Variants in ACADS observed in about 807,000 individuals in gnomAD.
The protein encoded by ACADS is acyl-CoA dehydrogenase short chain, also known as short-chain specific acyl-CoA dehydrogenase, mitochondrial.
Under a neutral mutation model 46.8 loss-of-function variants are expected in ACADS, and 28 were observed. The observed-to-expected ratio is 0.60, with a 90% CI of 0.44 to 0.82. The LOEUF is 0.82. Ranked by LOEUF, ACADS falls within the 40% of genes least tolerant of loss-of-function variation. The pLI, the probability that ACADS is intolerant of heterozygous loss-of-function variation, is 0.00. For missense variants in ACADS, 528 were observed against 578.0 expected (o/e 0.91, Z 0.89); for synonymous variants, 236 against 237.7 (o/e 0.99, Z 0.07).
At chr12:120,733,445 A>G (rs1883329355) in intron 2 of ACADS, among the ~76,000 whole-genome samples, 1 of 152,078 alleles carries the variant, frequency 6.6e-6, no homozygotes, top group Non-Finnish European at 1.5e-5. Context: ...TTCAGAGGCC[A>G]TGTGTGTGCT....
intron 2 of ACADS, among the ~76,000 whole-genome samples, chr12:120,730,602 G>A (rs751269299): frequency 1.3e-5 from 2 of 152,128 alleles, no homozygotes; most frequent in African/African-American, 2.4e-5. Context: ...CTGTCGGGAC[G>A]TGTGACCAAG....
At chr12:120,731,576 T>TC (rs1490921513) in intron 2 of ACADS, among the ~76,000 whole-genome samples, 2 of 151,820 alleles carry the variant, frequency 1.3e-5, no homozygotes, top group African/African-American at 4.8e-5. Context: ...TGTCTCAGCC[T>TC]CCCAAGTAGC....
At chr12:120,736,528 G>A (rs1011746148) in intron 2 of ACADS, among the ~76,000 whole-genome samples, 8 of 152,226 alleles carry the variant, frequency 5.3e-5, no homozygotes, top group African/African-American at 1.9e-4. Context: ...CCAAAGCAGC[G>A]AGGCCTGAGC....
At chr12:120,729,567 T>G (rs548984394) in intron 2 of ACADS, among the ~76,000 whole-genome samples, 2 of 152,192 alleles carry the variant, frequency 1.3e-5, no homozygotes, top group Non-Finnish European at 2.9e-5. Flanking sequence ...TATTTTGGGT[T>G]TCTCCTTTTT....
chr12:120,731,337 A>C (rs1883241345), intron 2 of ACADS, among the ~76,000 whole-genome samples: 5 of 152,040 alleles, frequency 3.3e-5, no homozygotes, highest in Admixed American at 3.3e-4. Context: ...GCTGGATTTG[A>C]ACGCCTGGGC....
chr12:120,737,761 T>C lies in ACADS; in HGVS notation c.473-76T>C, dbSNP rs781059745. On this transcript the variant is annotated intron_variant, in intron 4 of 9. Coordinates refer to ENST00000242592, the MANE Select transcript of ACADS (RefSeq NM_000017.4). ...AGGGTTTCGTGTCTGCCAGCAGGGG[T>C]GTGGAGGGAGTGAGGCTGGTGCCCT... 6.5e-4 allele frequency: 1,032 copies of C among 1,593,258 alleles called. 8 individuals carry two copies. The highest frequency in any genetic ancestry group is 1.6e-3 in the Middle Eastern group (9 of 5,760).
Position 120,738,355 on chromosome 12 carries a change from C to G in ACADS, c.700C>G (p.Arg234Gly), listed in dbSNP as rs532174593. Residue 234 changes from arginine (R) to glycine (G), a missense_variant, in exon 6 of 10, where the codon CGG becomes GGG. Coordinates refer to ENST00000242592, the MANE Select transcript of ACADS (RefSeq NM_000017.4). ...GAAGAAAGAAGACAAGCTGGGCATCCGGGGCTCATCCACGGCCAACCTCAT... is the reference window on the plus strand; with the variant it reads ...GAAGAAAGAAGACAAGCTGGGCATCGGGGGCTCATCCACGGCCAACCTCAT... ...LGKKEDKLGI[R>G]GSSTANLIFE... 9.9e-6 allele frequency: 16 copies of G among 1,614,178 alleles called. No individual in the cohort carries two copies.
intron 2 of ACADS, among the ~76,000 whole-genome samples, chr12:120,735,367 A>C (rs892971075): frequency 8.7e-5 from 13 of 150,234 alleles, no homozygotes; most frequent in East Asian, 1.9e-4. Flanking sequence ...AAAAAAAAAA[A>C]AAAAAAACAA....
chr12:120,739,492 CA>C lies in ACADS; in HGVS notation c.*45del. 1 of 1,587,070 alleles carries C rather than the reference CA, an allele frequency of 6.3e-7. No individual in the cohort carries two copies. Among genetic ancestry groups the C allele is most frequent in the Non-Finnish European group, 8.5e-7 (1 of 1,172,338 alleles). On this transcript the variant is annotated 3_prime_UTR_variant, in exon 10 of 10. Coordinates refer to ENST00000242592, the MANE Select transcript of ACADS (RefSeq NM_000017.4). ...CAGGACTGCGGGAAGGCGCGGGAGC[CA>C]GGGGCCTCCACCCCAACCCCGGCTC...
At chr12:120,735,628 T>C (rs575437) in intron 2 of ACADS, among the ~76,000 whole-genome samples, 79,112 of 151,836 alleles carry the variant, frequency 0.52, 21,256 homozygotes, top group South Asian at 0.64. Context: ...AGACTAGGTG[T>C]GGTGGCTCAC....
At chr12:120,734,752 A>ACTTT in intron 2 of ACADS, among the ~76,000 whole-genome samples, 1 of 92,476 alleles carries the variant, frequency 1.1e-5, no homozygotes, top group South Asian at 3.7e-4. Flanking sequence ...AAAAAACAAT[A>ACTTT]ATTTTTTTTT....
chr12:120,730,718 G>A (rs1238501442), intron 2 of ACADS, among the ~76,000 whole-genome samples: 2 of 152,188 alleles, frequency 1.3e-5, no homozygotes, highest in Non-Finnish European at 2.9e-5. Flanking sequence ...ATGAGATGGA[G>A]TTATGGAGCG....
At position 120,738,567 on chromosome 12, in the gene ACADS, C is replaced by A. The variant is rs764411211; in HGVS notation, c.830C>A (p.Ser277Tyr). 1 of 1,612,098 alleles carries A rather than the reference C, an allele frequency of 6.2e-7. No homozygotes were observed. Among genetic ancestry groups the A allele is most frequent in the Non-Finnish European group, 8.5e-7 (1 of 1,180,004 alleles). Residue 277 changes from serine to tyrosine, a missense_variant, in exon 7 of 10, where the codon TCC (serine) becomes TAC (tyrosine). Transcript: ENST00000242592. ...GACATGGGCCGCATCGGCATCGCCTCCCAGGCCCTGGGCATTGCCCAGACC... is the reference window on the plus strand; with the variant it reads ...GACATGGGCCGCATCGGCATCGCCTACCAGGCCCTGGGCATTGCCCAGACC... ...TLDMGRIGIA[S>Y]QALGIAQTAL... is the part of the protein sequence containing the mutation.
In ACADS at chr12:120,738,664, C is replaced by T. The variant is rs767427548; in HGVS notation, c.927C>T (p.Val309=). Residue 309 remains valine (V), a synonymous_variant, in exon 7 of 10, where the codon GTC becomes GTT. Coordinates refer to ENST00000242592, the MANE Select transcript of ACADS (RefSeq NM_000017.4). ...AFGAPLTKLQ[V]IQFKLADMAL... is the part of the protein sequence containing the mutation. ...GGGCGCCCCTCACCAAGCTCCAGGT[C>T]ATCCAGGTAATGGTGGCAGCTTTAG... 3.1e-6 allele frequency: 5 copies of T among 1,612,050 alleles called. No individual in the cohort carries two copies. In the South Asian group the frequency reaches 5.5e-5, roughly 18 times the overall value.
At position 120,739,627 on chromosome 12, in the gene ACADS, G is replaced by T; in HGVS notation, c.*179G>T. 2 of 703,134 alleles carry T rather than the reference G, an allele frequency of 2.8e-6. No homozygotes were observed. The highest frequency in any genetic ancestry group is 1.9e-5 in the South Asian group (1 of 52,816). The allele number at this position is 703,134 out of a possible 1,614,324, so 43.6% of individuals were successfully genotyped here. On this transcript the variant is annotated 3_prime_UTR_variant, in exon 10 of 10. Transcript: ENST00000242592. ...AGGCCCTCCGACCATTGGCAGCTCC[G>T]CCTCTGGGCCTTTCCGCCTCCTCAC...
chr12:120,735,040 G>A (rs1185419328), intron 2 of ACADS, among the ~76,000 whole-genome samples: 3 of 151,530 alleles, frequency 2.0e-5, no homozygotes, highest in Admixed American at 6.6e-5. Context: ...GGGAGGCTGA[G>A]GCAGGCGCAT....
In ACADS at chr12:120,727,168, A is replaced by G. The variant is rs371096896; in HGVS notation, c.189A>G (p.Glu63=). 1 of 1,614,160 alleles carries G rather than the reference A, an allele frequency of 6.2e-7. No homozygotes were observed. The highest frequency in any genetic ancestry group is 1.1e-5 in the South Asian group (1 of 91,082). ...LFPIAAQVDK[E]HLFPAAQVKK... ...CCATTGCAGCCCAGGTGGATAAGGAACATCTCTTCCCAGCGGCTCAGGTGA... is the reference window on the plus strand; with the variant it reads ...CCATTGCAGCCCAGGTGGATAAGGAGCATCTCTTCCCAGCGGCTCAGGTGA... The change falls in exon 2 of 10, where the codon GAA becomes GAG. Residue 63 remains glutamate, a synonymous_variant. Coordinates refer to ENST00000242592, the MANE Select transcript of ACADS (RefSeq NM_000017.4).
Position 120,728,589 on chromosome 12 carries a change from C to T in ACADS, c.210+1400C>T, listed in dbSNP as rs1459500530. Among the ~76,000 whole-genome samples the T allele has an allele frequency of 6.6e-6, 1 of 151,816 alleles. No homozygotes were observed. The highest frequency in any genetic ancestry group is 6.6e-5 in the Admixed American group (1 of 15,242). On this transcript the variant is annotated intron_variant, in intron 2 of 9. Coordinates refer to ENST00000242592, the MANE Select transcript of ACADS (RefSeq NM_000017.4). The surrounding 1 kb of genome is among the most constrained non-coding windows in gnomAD (Gnocchi z 4.0). ...GCGCGATCTCGGCTCACTGCAACCT[C>T]CGCCTTCTGAGTTCAAACAATTGTT... is the stretch of plus-strand genomic sequence containing the variant.
Position 120,738,202 on chromosome 12 carries a change from C to G in ACADS, c.625-78C>G, listed in dbSNP as rs555710563. On this transcript the variant is annotated intron_variant, in intron 5 of 9. Coordinates refer to ENST00000242592, the MANE Select transcript of ACADS (RefSeq NM_000017.4). ...CTTCTGAGGGAGGTGGGGAGGGGAC[C>G]GGGTTGGTGTTGGGTGTGCTGGTGT... is the stretch of plus-strand genomic sequence containing the variant. 6,482 of 1,607,062 alleles carry G rather than the reference C, an allele frequency of 4.0e-3. 22 individuals are homozygous for G. The highest frequency in any genetic ancestry group is 5.2e-3 in the Non-Finnish European group (6,090 of 1,176,854).
Sources: gnomAD v4.1 joint callset for allele counts (sites outside exome capture counted in the v4.1 genomes callset) on GRCh38, gnomAD v4.1.1 for gene constraint, Gnocchi (gnomAD v3.1) non-coding constraint, MANE v1.5 for transcripts, NCBI Gene and HGNC (gene_info 2026-07-23, HGNC 2026-07-21) for gene names.